Variants in ARHGAP40 observed in about 807,000 individuals in gnomAD.
The protein encoded by ARHGAP40 is rho GTPase-activating protein 40.
In ARHGAP40, 43 loss-of-function variants were observed where a neutral mutation model predicts 73.5. The observed-to-expected ratio is 0.58, with a 90% confidence interval of 0.46 to 0.75. ARHGAP40 has a LOEUF of 0.75. Ranked by LOEUF, ARHGAP40 falls within the 30% of genes least tolerant of loss-of-function variation. The pLI, the probability that ARHGAP40 is intolerant of heterozygous loss-of-function variation, is 0.00. For synonymous variants in ARHGAP40, 300 were observed against 352.8 expected (o/e 0.85, Z 1.68); for missense variants, 734 against 861.8 (o/e 0.85, Z 1.86).
rs7260971 is a variant in ARHGAP40 at position 38,637,392 on chromosome 20, G to A, written c.950-316G>A. Among the ~76,000 whole-genome samples the A allele has an allele frequency of 9.3e-3, 1,412 of 152,046 alleles. 22 individuals are homozygous for A. The highest frequency in any genetic ancestry group is 0.032 in the African/African-American group (1,324 of 41,468). On this transcript the variant is annotated intron_variant, in intron 6 of 14. Transcript: ENST00000373345. ...TCGACCTCCTGACCTCAGGTGATCC[G>A]CCTGTCTCAGCCTCCCAAAGTGCTG...
intron 1 of ARHGAP40, chr20:38,615,345 CT>C: frequency 2.6e-6 from 2 of 767,942 alleles, no homozygotes; most frequent in Non-Finnish European, 4.9e-6. Flanking sequence ...CACGGGGGTA[CT>C]TCCACTGGTA....
intron 1 of ARHGAP40, among the ~76,000 whole-genome samples, chr20:38,609,351 A>G (rs2145593355): frequency 6.6e-6 from 1 of 152,250 alleles, no homozygotes; most frequent in Non-Finnish European, 1.5e-5. Context: ...TGTAGTTCTG[A>G]GGCGAGGGCT....
At chr20:38,623,694 C>T (rs2088885673) in intron 2 of ARHGAP40, 136 bp downstream of exon 2, 1 of 597,982 alleles carries the variant, frequency 1.7e-6, no homozygotes, top group Non-Finnish European at 2.4e-6. Flanking sequence ...GTATCCTCTT[C>T]ACTGCTCTCC....
chr20:38,620,732 G>A (rs1034651573), intron 1 of ARHGAP40, among the ~76,000 whole-genome samples: 41 of 152,162 alleles, frequency 2.7e-4, no homozygotes, highest in African/African-American at 7.7e-4. Context: ...TGCAAATGCC[G>A]GAGCCGTTGC....
intron 1 of ARHGAP40, among the ~76,000 whole-genome samples, chr20:38,616,225 C>T (rs8117250): frequency 1.9e-3 from 297 of 152,370 alleles, no homozygotes; most frequent in African/African-American, 7.0e-3. Flanking sequence ...CACCTTCCCC[C>T]AGATTCCCTG....
exon 15 of ARHGAP40, chr20:38,650,321 G>A (rs1159229699): frequency 2.1e-6 from 1 of 471,022 alleles, no homozygotes; most frequent in Non-Finnish European, 4.4e-6. Context: ...TCAAGAGGTA[G>A]TTGGGGTCTT....
In ARHGAP40 at chr20:38,621,705, T is replaced by C. The variant is rs573249063; in HGVS notation, c.138-1654T>C. Among the ~76,000 whole-genome samples the C allele has an allele frequency of 3.0e-4, 45 of 152,354 alleles. No homozygotes were observed. The South Asian group carries it at 3.9e-3, about 13-fold the overall frequency. Reference sequence around the variant, plus strand: ...TCTACTTTGCTCACTTCTGCATTGCTGGGAATTTTTACAATAACTGCATAT... The same window carrying C: ...TCTACTTTGCTCACTTCTGCATTGCCGGGAATTTTTACAATAACTGCATAT... On this transcript the variant is annotated intron_variant, in intron 1 of 14. Transcript: ENST00000373345.
rs112249726 is a variant in ARHGAP40, at chr20:38,636,140, T to C, written c.949+1355T>C. Among the ~76,000 whole-genome samples, 1,399 of 152,288 alleles carry C rather than the reference T, an allele frequency of 9.2e-3. 23 individuals are homozygous for C. Among genetic ancestry groups the C allele is most frequent in the African/African-American group, 0.032 (1,321 of 41,544 alleles). On this transcript the variant is annotated intron_variant, in intron 6 of 14. Coordinates refer to ENST00000373345, the Ensembl canonical transcript of ARHGAP40. ...GAGGAAGTACGCTGTGCTTCCCTAA[T>C]GGGAAGATTTGCAAATTCACATGGC...
At chr20:38,644,290 C>T (rs2089038551) in intron 11 of ARHGAP40, among the ~76,000 whole-genome samples, 2 of 152,172 alleles carry the variant, frequency 1.3e-5, no homozygotes, top group South Asian at 4.2e-4. Flanking sequence ...ACAGGGATAC[C>T]CCTGCCCTCC....
chr20:38,609,918 C>T (rs936501586), intron 1 of ARHGAP40, among the ~76,000 whole-genome samples: 2 of 152,234 alleles, frequency 1.3e-5, no homozygotes, highest in African/African-American at 4.8e-5. Flanking sequence ...GGCTCTTAAG[C>T]CCTTGAGTGC....
chr20:38,610,779 G>C (rs890563285), intron 1 of ARHGAP40, among the ~76,000 whole-genome samples: 1 of 152,192 alleles, frequency 6.6e-6, no homozygotes, highest in Non-Finnish European at 1.5e-5. Flanking sequence ...TTGCTCGTAG[G>C]GGTGTGTGAG....
rs2089057281 is a variant in ARHGAP40, at chr20:38,646,921, T to C, written c.1711-36T>C. 1 of 1,286,490 alleles carries C rather than the reference T, an allele frequency of 7.8e-7. No individual in the cohort carries two copies. Among genetic ancestry groups the C allele is most frequent in the Non-Finnish European group, 1.0e-6 (1 of 977,392 alleles). 79.7% of individuals were successfully genotyped at this position (1,286,490 alleles called of 1,614,324 possible). ...GTTGGAACTCCAGGCAAGCTGACTCTTATGTATATGGATCTTTCTCTCTCT... is the reference window on the plus strand; with the variant it reads ...GTTGGAACTCCAGGCAAGCTGACTCCTATGTATATGGATCTTTCTCTCTCT... On this transcript the variant is annotated intron_variant, in intron 12 of 14. Coordinates refer to ENST00000373345, the Ensembl canonical transcript of ARHGAP40. The surrounding 1 kb of genome is among the most constrained non-coding windows in gnomAD (Gnocchi z 4.5).
At chr20:38,621,213 A>G (rs1263522018) in intron 1 of ARHGAP40, among the ~76,000 whole-genome samples, 1 of 152,208 alleles carries the variant, frequency 6.6e-6, no homozygotes, top group Non-Finnish European at 1.5e-5. Context: ...TAAAATCAGA[A>G]CAAACAAACA....
intron 1 of ARHGAP40, among the ~76,000 whole-genome samples, chr20:38,619,333 C>T (rs374928834): frequency 5.9e-4 from 90 of 152,110 alleles, no homozygotes; most frequent in East Asian, 1.4e-3. Context: ...GGTATCTAGA[C>T]GAAACATGGG....
At chr20:38,610,261 C>T (rs2088796848) in intron 1 of ARHGAP40, among the ~76,000 whole-genome samples, 1 of 151,928 alleles carries the variant, frequency 6.6e-6, no homozygotes, top group East Asian at 1.9e-4. Context: ...CCCCCTACCC[C>T]AAACCAGCTA....
In ARHGAP40 at chr20:38,646,297, G is replaced by A. The variant is rs2089052936; in HGVS notation, c.1710+110G>A. The A allele has an allele frequency of 8.8e-7, 1 of 1,131,680 alleles. No homozygotes were observed. The highest frequency in any genetic ancestry group is 1.7e-5 in the South Asian group (1 of 60,072). The allele number at this position is 1,131,680 out of a possible 1,614,324, so 70.1% of individuals were successfully genotyped here. A position where few individuals can be genotyped will look rare whatever the true frequency, so the allele number is the denominator to read the frequency against. On this transcript the variant is annotated intron_variant, in intron 12 of 14. Coordinates refer to ENST00000373345, the Ensembl canonical transcript of ARHGAP40. This position sits in a 1 kb window ranked among gnomAD's most constrained non-coding sequence, Gnocchi z 4.5. ...TCCCCGCTACCGGGCTGCCAGCAAC[G>A]GCCCAGTGAGGCCACCAGGGGGCGT...
At chr20:38,649,367 G>C (rs974112500) in intron 14 of ARHGAP40, among the ~76,000 whole-genome samples, 2 of 152,200 alleles carry the variant, frequency 1.3e-5, no homozygotes, top group Admixed American at 6.5e-5. Flanking sequence ...TCAGGAAAAG[G>C]GTTCCAAGGG....
chr20:38,641,788 C>A, exon 10 of ARHGAP40: 1 of 1,295,692 alleles, frequency 7.7e-7, no homozygotes, highest in Non-Finnish European at 1.0e-6. Context: ...CCTCCCAGAA[C>A]CCAACAGAAA....
At chr20:38,615,498 G>A (rs1386287786) in intron 1 of ARHGAP40, 7 of 658,932 alleles carry the variant, frequency 1.1e-5, no homozygotes, top group East Asian at 3.1e-5. Context: ...TGGCCAGCTC[G>A]GGCCTCACAG....
Sources: allele counts gnomAD v4.1 joint callset (sites outside exome capture counted in the v4.1 genomes callset), GRCh38; gene constraint gnomAD v4.1.1; non-coding constraint Gnocchi (gnomAD v3.1); transcripts MANE v1.5; gene names NCBI Gene and HGNC (gene_info 2026-07-23, HGNC 2026-07-21).